The following STX18 variants were observed in gnomAD, a reference collection of about 807,000 sequenced individuals.
The protein encoded by STX18 is syntaxin 18, also known as syntaxin-18.
A neutral mutation model predicts 50.1 loss-of-function variants in STX18; 40 were observed. The ratio of observed to expected loss-of-function variants is 0.80; its 90% CI spans 0.62 to 1.04. The LOEUF (loss-of-function observed/expected upper bound fraction) is 1.04. Among genes scored for constraint, STX18 ranks in the 50% least tolerant of loss-of-function variants. The pLI, the probability that STX18 is intolerant of heterozygous loss-of-function variation, is 0.00. For synonymous variants in STX18, 158 were observed against 151.8 expected, an observed-to-expected ratio of 1.04 and a Z score of -0.30; for missense variants, 410 against 415.8, an observed-to-expected ratio of 0.99 and a Z score of 0.12.
At chr4:4,437,462 A>T in intron 6 of STX18, 1 of 220,758 alleles carries the variant, frequency 4.5e-6, no homozygotes, top group Non-Finnish European at 7.7e-6. Flanking sequence ...TCCAGATTTT[A>T]GTTTTCAGAT....
intron 1 of STX18, among the ~76,000 whole-genome samples, chr4:4,522,571 T>A (rs1017267479): frequency 6.6e-6 from 1 of 152,194 alleles, no homozygotes; most frequent in African/African-American, 2.4e-5. Flanking sequence ...AGTAACACAC[T>A]AGAAACTGAC....
intron 1 of STX18, among the ~76,000 whole-genome samples, chr4:4,514,918 G>A (rs1418753455): frequency 6.6e-6 from 1 of 152,120 alleles, no homozygotes; most frequent in Admixed American, 6.5e-5. Context: ...AGCATACAAT[G>A]GAGGCTAATT....
intron 1 of STX18, among the ~76,000 whole-genome samples, chr4:4,519,312 T>C (rs1343329737): frequency 1.3e-5 from 2 of 152,184 alleles, no homozygotes; most frequent in Non-Finnish European, 2.9e-5. Flanking sequence ...GTTCATCTAT[T>C]TTTAATAAGA....
chr4:4,428,694 A>G (rs1725377430), intron 7 of STX18, among the ~76,000 whole-genome samples: 1 of 152,128 alleles, frequency 6.6e-6, no homozygotes, highest in South Asian at 2.1e-4. Flanking sequence ...AAATGCACCC[A>G]TAGCATCTTC....
At chr4:4,451,638 G>C (rs934726453) in intron 5 of STX18, among the ~76,000 whole-genome samples, 1 of 152,106 alleles carries the variant, frequency 6.6e-6, no homozygotes, top group Admixed American at 6.5e-5. Context: ...AGTAATCTCT[G>C]ATGTGACTTT....
At chr4:4,477,551 G>C (rs1292097652) in intron 1 of STX18, among the ~76,000 whole-genome samples, 1 of 152,174 alleles carries the variant, frequency 6.6e-6, no homozygotes, top group African/African-American at 2.4e-5. Context: ...CAATGCCCAG[G>C]AGCAGTGACA....
chr4:4,487,434 T>C (rs114171599), intron 1 of STX18, among the ~76,000 whole-genome samples: 2,291 of 152,334 alleles, frequency 0.015, 48 homozygotes, highest in African/African-American at 0.052. Context: ...GTATAGACTA[T>C]CTCATTGAAT....
Position 4,420,950 on chromosome 4 carries a change from G to T in STX18, c.832-6C>A. 2 of 1,613,878 alleles carry T rather than the reference G, an allele frequency of 1.2e-6. No individual in the cohort carries two copies. The highest frequency in any genetic ancestry group is 1.7e-6 in the Non-Finnish European group (2 of 1,179,874). On this transcript the variant is annotated splice_polypyrimidine_tract_variant and splice_region_variant and intron_variant, in intron 9 of 10. Coordinates refer to ENST00000306200, the MANE Select transcript of STX18 (RefSeq NM_016930.4). The surrounding 1 kb of genome is among the most constrained non-coding windows in gnomAD (Gnocchi z 4.3). ...ATGCTGTCAATCTCAGCTTCCTGTGGAAGAAAAGATAAATACAAGTTGAGT... is the reference window on the plus strand; with the variant it reads ...ATGCTGTCAATCTCAGCTTCCTGTGTAAGAAAAGATAAATACAAGTTGAGT...
intron 5 of STX18, among the ~76,000 whole-genome samples, chr4:4,440,693 GTTTT>G (rs1726058231): frequency 6.6e-6 from 1 of 152,204 alleles, no homozygotes; most frequent in South Asian, 2.1e-4. Context: ...TCTTCACAGA[GTTTT>G]TTGAGAGCAG....
At chr4:4,480,855 C>A (rs1261650293) in intron 1 of STX18, among the ~76,000 whole-genome samples, 1 of 152,144 alleles carries the variant, frequency 6.6e-6, no homozygotes, top group Non-Finnish European at 1.5e-5. Flanking sequence ...TTCTTTTGAT[C>A]TGGAATCAAA....
At chr4:4,443,736 T>C (rs1293377112) in intron 5 of STX18, among the ~76,000 whole-genome samples, 4 of 152,156 alleles carry the variant, frequency 2.6e-5, no homozygotes. Flanking sequence ...GGTTTAACAT[T>C]TGAAAATCGA....
At chr4:4,435,681 G>C (rs1450278232) in intron 6 of STX18, among the ~76,000 whole-genome samples, 2 of 152,158 alleles carry the variant, frequency 1.3e-5, no homozygotes, top group Admixed American at 6.6e-5. Flanking sequence ...ACTGTGTCCC[G>C]GTCTGTGCTA....
intron 1 of STX18, chr4:4,507,848 G>A (rs766570362): frequency 1.6e-5 from 10 of 642,838 alleles, no homozygotes; most frequent in Admixed American, 1.2e-4. Flanking sequence ...GTTAAAAAGC[G>A]GCAGCTAGCT....
intron 1 of STX18, among the ~76,000 whole-genome samples, chr4:4,495,349 G>A (rs1351107097): frequency 1.3e-5 from 2 of 152,002 alleles, no homozygotes; most frequent in African/African-American, 2.4e-5. Context: ...ACGCAAGATG[G>A]CAGCTTTTCT....
chr4:4,496,487 T>C (rs752497167), intron 1 of STX18, among the ~76,000 whole-genome samples: 3 of 152,144 alleles, frequency 2.0e-5, no homozygotes, highest in Non-Finnish European at 4.4e-5. Flanking sequence ...GCCTCGCTCT[T>C]GGATTCCTCA....
chr4:4,432,876 G>C (rs1725583275), intron 7 of STX18, among the ~76,000 whole-genome samples: 1 of 152,258 alleles, frequency 6.6e-6, no homozygotes, highest in Non-Finnish European at 1.5e-5. Flanking sequence ...GCTCACGAGA[G>C]CAGACATGTG....
chr4:4,517,605 T>C (rs16835806), intron 1 of STX18, among the ~76,000 whole-genome samples: 24,004 of 152,156 alleles, frequency 0.16, 1,928 homozygotes, highest in Non-Finnish European at 0.18. Context: ...ACGTGATTTA[T>C]TTATAACCTC....
intron 1 of STX18, among the ~76,000 whole-genome samples, chr4:4,494,089 G>C (rs1021967636): frequency 2.6e-5 from 4 of 152,176 alleles, no homozygotes; most frequent in African/African-American, 9.7e-5. Flanking sequence ...GGTAAGCTAG[G>C]CCTACAAAAT....
chr4:4,437,247 C>T lies in STX18; in HGVS notation c.613+1147G>A, dbSNP rs192428112. ...CTGGGATTACAGGTGTGAACCACTG[C>T]GCCTGGCCCAGACTCACTTCTTAGT... is the stretch of plus-strand genomic sequence containing the variant. On this transcript the variant is annotated intron_variant, in intron 6 of 10. Transcript: ENST00000306200. 3.0e-3 allele frequency among the ~76,000 whole-genome samples: 464 copies of T among 152,238 alleles called. 3 individuals are homozygous for T. The highest frequency in any genetic ancestry group is 0.011 in the African/African-American group (438 of 41,542).
Sources: allele counts gnomAD v4.1 joint callset (sites outside exome capture counted in the v4.1 genomes callset), GRCh38; gene constraint gnomAD v4.1.1; non-coding constraint Gnocchi (gnomAD v3.1); transcripts MANE v1.5; gene names NCBI Gene and HGNC (gene_info 2026-07-23, HGNC 2026-07-21).